The following EYA2 variants were observed in gnomAD, a reference collection of about 807,000 sequenced individuals.
EYA2 encodes protein phosphatase EYA2.
EYA2 carries 31 observed loss-of-function variants against 69.2 expected under a neutral mutation model. The ratio of observed to expected loss-of-function variants is 0.45; its 90% CI spans 0.34 to 0.60. The LOEUF (loss-of-function observed/expected upper bound fraction) is 0.60. EYA2 is among the 20% of genes least tolerant of loss of function. The probability of loss-of-function intolerance (pLI) is 0.02; values close to 1 mark genes in which losing one functional copy is unlikely to be tolerated. For synonymous variants in EYA2, 257 were observed against 279.4 expected (o/e 0.92, Z 0.80); for missense variants, 622 against 701.2 (o/e 0.89, Z 1.28).
chr20:47,132,307 C>T (rs1435520538), intron 9 of EYA2, among the ~76,000 whole-genome samples: 1 of 152,164 alleles, frequency 6.6e-6, no homozygotes, highest in Non-Finnish European at 1.5e-5. Context: ...TTAATAATAA[C>T]ACAGCTACTC....
At chr20:47,178,821 G>GTGGGTGGAGGGATGGATAT (rs2034475735) in intron 12 of EYA2, among the ~76,000 whole-genome samples, 1 of 108,942 alleles carries the variant, frequency 9.2e-6, no homozygotes, top group Non-Finnish European at 1.8e-5. Flanking sequence ...GGATGGGTGG[G>GTGGGTGGAGGGATGGATAT]TGGGTGGATG....
chr20:47,162,233 C>A (rs555788525), intron 10 of EYA2, among the ~76,000 whole-genome samples: 2 of 152,272 alleles, frequency 1.3e-5, no homozygotes, highest in Non-Finnish European at 2.9e-5. Flanking sequence ...TCTGCAAAGA[C>A]CCTATTTCCA....
chr20:47,109,326 A>G (rs1202614318), intron 9 of EYA2, among the ~76,000 whole-genome samples: 1 of 152,198 alleles, frequency 6.6e-6, no homozygotes, highest in Non-Finnish European at 1.5e-5. Context: ...TTCTTTGTCC[A>G]CACAAGGCCC....
chr20:47,071,929 T>C, intron 5 of EYA2: 1 of 508,140 alleles, frequency 2.0e-6, no homozygotes, highest in Non-Finnish European at 3.6e-6. Flanking sequence ...CACGGCCGCA[T>C]CAGCAAGCAC....
intron 15 of EYA2, among the ~76,000 whole-genome samples, chr20:47,185,363 T>G (rs957157103): frequency 7.7e-6 from 1 of 130,006 alleles, no homozygotes; most frequent in Non-Finnish European, 1.6e-5. Flanking sequence ...TGCAGTAGCA[T>G]GATCTCGGCT....
Position 47,188,805 on chromosome 20 carries a change from G to A in EYA2, c.*672G>A, listed in dbSNP as rs2034701538. 2 of 156,648 alleles carry A rather than the reference G, an allele frequency of 1.3e-5. No homozygotes were observed. The highest frequency in any genetic ancestry group is 2.4e-5 in the African/African-American group (1 of 41,562). 9.7% of individuals were successfully genotyped at this position (156,648 alleles called of 1,614,324 possible). A position where few individuals can be genotyped will look rare whatever the true frequency, so the allele number is the denominator to read the frequency against. On this transcript the variant is annotated 3_prime_UTR_variant, in exon 16 of 16. Transcript: ENST00000327619. ...TGGGAAGGAATGGGTGCTTTGTGAT[G>A]GATAAAAGGCATTAAATAAAACCAC...
At chr20:47,050,775 G>A (rs1248749802) in intron 5 of EYA2, among the ~76,000 whole-genome samples, 5 of 152,218 alleles carry the variant, frequency 3.3e-5, no homozygotes, top group African/African-American at 1.2e-4. Flanking sequence ...CTGCAGAAGG[G>A]CCCTTATTCC....
intron 10 of EYA2, among the ~76,000 whole-genome samples, chr20:47,147,475 G>A (rs1600743494): frequency 6.6e-6 from 1 of 152,262 alleles, no homozygotes; most frequent in East Asian, 1.9e-4. Flanking sequence ...TAGAGTTGAT[G>A]GGCTCCAGAA....
Position 46,912,589 on chromosome 20 carries a change from T to G in EYA2, c.-11+17602T>G, listed in dbSNP as rs187844211. On this transcript the variant is annotated intron_variant, in intron 1 of 15. Transcript: ENST00000327619. ...AGAAGATAGACAATAAAAAAGCAAA[T>G]AGTAAGACAGTCTTGGCATTGCTAT... 2.1e-3 allele frequency among the ~76,000 whole-genome samples: 313 copies of G among 151,726 alleles called. 2 individuals are homozygous for G. Among genetic ancestry groups the G allele is most frequent in the African/African-American group, 7.0e-3 (291 of 41,376 alleles).
intron 14 of EYA2, among the ~76,000 whole-genome samples, chr20:47,182,644 A>AAAAAAAAAAAAAAT (rs2034560806): frequency 3.5e-5 from 5 of 143,046 alleles, no homozygotes; most frequent in Non-Finnish European, 6.1e-5. Flanking sequence ...AAAAAAAAAA[A>AAAAAAAAAAAAAAT]GGTTAAGATG....
intron 9 of EYA2, among the ~76,000 whole-genome samples, chr20:47,132,149 A>G (rs1254100065): frequency 8.6e-5 from 13 of 152,034 alleles, no homozygotes; most frequent in African/African-American, 4.8e-5. Flanking sequence ...AAGTCTTACT[A>G]TGTTGTCCAA....
chr20:47,159,292 C>T (rs1860190415), intron 10 of EYA2, among the ~76,000 whole-genome samples: 1 of 151,908 alleles, frequency 6.6e-6, no homozygotes, highest in Admixed American at 6.6e-5. Context: ...ATGGCACTCC[C>T]CATCTGTGAC....
chr20:47,073,309 A>G lies in EYA2; in HGVS notation c.484-849A>G, dbSNP rs144082399. On this transcript the variant is annotated intron_variant, in intron 6 of 15. Coordinates refer to ENST00000327619, the MANE Select transcript of EYA2 (RefSeq NM_005244.5). ...TGGTCTGCTTAAACAAAGCTTGATC[A>G]AAGGTGATTGGCAGCTATTGAATTG... is the stretch of plus-strand genomic sequence containing the variant. Among the ~76,000 whole-genome samples, 160 of 152,270 alleles carry G rather than the reference A, an allele frequency of 1.1e-3. 1 individual carries two copies. The highest frequency in any genetic ancestry group is 2.0e-3 in the African/African-American group (84 of 41,560).
intron 9 of EYA2, among the ~76,000 whole-genome samples, chr20:47,126,049 G>A (rs760012765): frequency 6.6e-6 from 1 of 152,166 alleles, no homozygotes. Context: ...TCCAGAGAGG[G>A]CAGGTCTGCA....
At chr20:47,016,129 G>A (rs771134776) in intron 4 of EYA2, 52 bp from the exon 5 acceptor site, 14 of 1,279,850 alleles carry the variant, frequency 1.1e-5, no homozygotes, top group Admixed American at 1.7e-5. Flanking sequence ...TGACAAGGAC[G>A]CATCCTAATC....
intron 1 of EYA2, among the ~76,000 whole-genome samples, chr20:46,956,493 A>G (rs1379767561): frequency 6.6e-6 from 1 of 152,154 alleles, no homozygotes; most frequent in Non-Finnish European, 1.5e-5. Context: ...TCCATTGCAT[A>G]GGTCTTTCTC....
intron 1 of EYA2, among the ~76,000 whole-genome samples, chr20:46,909,050 T>A (rs896013733): frequency 1.3e-5 from 2 of 151,608 alleles, no homozygotes; most frequent in African/African-American, 4.9e-5. Flanking sequence ...TTCTCAGGAG[T>A]TTTTCCTGAT....
intron 1 of EYA2, among the ~76,000 whole-genome samples, chr20:46,937,619 A>G (rs577702958): frequency 6.7e-6 from 1 of 149,456 alleles, no homozygotes; most frequent in South Asian, 2.1e-4. Context: ...CTGGGTTGAG[A>G]GTCCAATGCA....
At chr20:47,083,403 C>A (rs1356934903) in intron 7 of EYA2, among the ~76,000 whole-genome samples, 1 of 151,816 alleles carries the variant, frequency 6.6e-6, no homozygotes, top group African/African-American at 2.4e-5. Context: ...ATGATGAAAC[C>A]CCGTCTCTAC....
Sources: gnomAD v4.1 joint callset for allele counts (sites outside exome capture counted in the v4.1 genomes callset) on GRCh38, gnomAD v4.1.1 for gene constraint, MANE v1.5 for transcripts, NCBI Gene and HGNC (gene_info 2026-07-23, HGNC 2026-07-21) for gene names.